Variants in GALNT17 observed in about 807,000 individuals in gnomAD.
GALNT17 encodes polypeptide N-acetylgalactosaminyltransferase 17.
GALNT17 carries 29 observed loss-of-function variants against 63.7 expected under a neutral mutation model. The ratio of observed to expected loss-of-function variants is 0.46; its 90% CI spans 0.34 to 0.62. GALNT17 has a LOEUF of 0.62. GALNT17 is among the 20% of genes least tolerant of loss of function. GALNT17 has a pLI of 0.01. For synonymous variants in GALNT17, 305 were observed against 318.3 expected (o/e 0.96, Z 0.45); for missense variants, 603 against 799.6 (o/e 0.75, Z 2.97).
intron 1 of GALNT17, among the ~76,000 whole-genome samples, chr7:71,199,837 G>GTA (rs1271625526): frequency 1.3e-5 from 2 of 152,058 alleles, no homozygotes; most frequent in Admixed American, 6.6e-5. Flanking sequence ...TAACACACTT[G>GTA]TAGACTATAG....
intron 1 of GALNT17, among the ~76,000 whole-genome samples, chr7:71,266,776 C>T (rs563984231): frequency 1.3e-5 from 2 of 152,258 alleles, no homozygotes; most frequent in South Asian, 4.1e-4. Context: ...AAGGCCAGCT[C>T]TGCTGCTCTA....
At chr7:71,453,309 A>G (rs1287161110) in intron 5 of GALNT17, among the ~76,000 whole-genome samples, 2 of 152,154 alleles carry the variant, frequency 1.3e-5, no homozygotes, top group African/African-American at 4.8e-5. Context: ...CTTTTGTCAC[A>G]TTGCTGATAA....
chr7:71,296,960 A>T (rs913764903), intron 1 of GALNT17, among the ~76,000 whole-genome samples: 6 of 152,218 alleles, frequency 3.9e-5, no homozygotes, highest in African/African-American at 7.2e-5. Context: ...AAGTTGAAGG[A>T]TAGGAAACTA....
intron 5 of GALNT17, among the ~76,000 whole-genome samples, chr7:71,488,975 T>A (rs558806464): frequency 8.3e-6 from 1 of 120,198 alleles, no homozygotes; most frequent in South Asian, 2.9e-4. Flanking sequence ...CTCACTGCAG[T>A]CTCTGCCTCC....
chr7:71,590,830 C>T (rs1789786348), intron 6 of GALNT17, among the ~76,000 whole-genome samples: 1 of 152,044 alleles, frequency 6.6e-6, no homozygotes, highest in South Asian at 2.1e-4. Flanking sequence ...TGAGTTCAAG[C>T]GATTCTCCAG....
intron 1 of GALNT17, among the ~76,000 whole-genome samples, chr7:71,152,285 T>A (rs2116218782): frequency 6.6e-6 from 1 of 152,312 alleles, no homozygotes; most frequent in African/African-American, 2.4e-5. Context: ...CTGCGTTTAC[T>A]TGCAGAAAGC....
At chr7:71,424,414 T>G (rs868149272) in intron 5 of GALNT17, among the ~76,000 whole-genome samples, 20 of 152,224 alleles carry the variant, frequency 1.3e-4, no homozygotes, top group African/African-American at 4.8e-4. Context: ...GTGCTTGCAG[T>G]GGAGTGCCTT....
chr7:71,593,501 TG>T (rs983502617), intron 6 of GALNT17, among the ~76,000 whole-genome samples: 11 of 152,116 alleles, frequency 7.2e-5, no homozygotes, highest in African/African-American at 2.2e-4. Flanking sequence ...CTTGACCACG[TG>T]ATCTGCCCAT....
chr7:71,180,134 C>G (rs1788710246), intron 1 of GALNT17, among the ~76,000 whole-genome samples: 1 of 151,176 alleles, frequency 6.6e-6, no homozygotes, highest in African/African-American at 2.4e-5. Context: ...TTTTTTCTTA[C>G]TTTTTTTTTG....
chr7:71,245,796 TA>T (rs1416925919), intron 1 of GALNT17, among the ~76,000 whole-genome samples: 1 of 150,346 alleles, frequency 6.7e-6, no homozygotes, highest in Non-Finnish European at 1.5e-5. Context: ...GAGAAATCAA[TA>T]GGGGAAGACT....
chr7:71,350,474 C>A (rs1468020026), intron 2 of GALNT17, among the ~76,000 whole-genome samples: 1 of 151,626 alleles, frequency 6.6e-6, no homozygotes, highest in African/African-American at 2.4e-5. Context: ...TCTGCAAATT[C>A]AACCAACTAA....
chr7:71,223,078 A>G (rs1054724393), intron 1 of GALNT17, among the ~76,000 whole-genome samples: 1 of 151,978 alleles, frequency 6.6e-6, no homozygotes, highest in African/African-American at 2.4e-5. Flanking sequence ...CTGTCCCCCT[A>G]CCCCCAAAAA....
intron 1 of GALNT17, among the ~76,000 whole-genome samples, chr7:71,205,993 C>T (rs1486074694): frequency 6.6e-6 from 1 of 151,182 alleles, no homozygotes; most frequent in Non-Finnish European, 1.5e-5. Flanking sequence ...TGCATGTAGT[C>T]ATATGGGTAT....
chr7:71,575,154 A>G (rs754306580), intron 6 of GALNT17, among the ~76,000 whole-genome samples: 3 of 152,158 alleles, frequency 2.0e-5, no homozygotes, highest in African/African-American at 7.2e-5. Flanking sequence ...ATTTTGTGCT[A>G]TTTTGTACTA....
At chr7:71,641,448 T>G (rs1790601817) in intron 6 of GALNT17, among the ~76,000 whole-genome samples, 1 of 152,150 alleles carries the variant, frequency 6.6e-6, no homozygotes, top group Non-Finnish European at 1.5e-5. Context: ...AGAAATTGAT[T>G]TCTCACAGTT....
chr7:71,352,553 G>T (rs1462522500), intron 2 of GALNT17, among the ~76,000 whole-genome samples: 1 of 152,128 alleles, frequency 6.6e-6, no homozygotes, highest in Non-Finnish European at 1.5e-5. Flanking sequence ...TTGATTTGAT[G>T]TTTAGTCATA....
intron 5 of GALNT17, among the ~76,000 whole-genome samples, chr7:71,511,331 G>A (rs1788352200): frequency 6.6e-6 from 1 of 152,112 alleles, no homozygotes; most frequent in Non-Finnish European, 1.5e-5. Flanking sequence ...TGGGTAATAG[G>A]GGTTGAGGGG....
At chr7:71,388,170 C>T in intron 2 of GALNT17, 65 bp from the exon 3 acceptor site, 1 of 1,534,812 alleles carries the variant, frequency 6.5e-7, no homozygotes, top group Non-Finnish European at 8.9e-7. Context: ...TACACTATGT[C>T]CAGCTGCAGT....
chr7:71,697,197 G>A (rs1012143230), intron 9 of GALNT17, among the ~76,000 whole-genome samples: 2 of 152,148 alleles, frequency 1.3e-5, no homozygotes, highest in African/African-American at 4.8e-5. Flanking sequence ...GGTGGACCAT[G>A]AGAGCAATGG....
Sources: allele counts gnomAD v4.1 joint callset (sites outside exome capture counted in the v4.1 genomes callset), GRCh38; gene constraint gnomAD v4.1.1; transcripts MANE v1.5; gene names NCBI Gene and HGNC (gene_info 2026-07-23, HGNC 2026-07-21).